Variants in RABGAP1L observed in about 807,000 individuals in gnomAD.
The protein encoded by RABGAP1L is rab GTPase-activating protein 1-like.
In RABGAP1L, 63 loss-of-function variants were observed where a neutral mutation model predicts 137.7. The observed-to-expected ratio is 0.46, with a 90% CI of 0.37 to 0.56. RABGAP1L has a LOEUF of 0.56. Ranked by LOEUF, RABGAP1L falls within the 20% of genes least tolerant of loss-of-function variation. The probability of loss-of-function intolerance (pLI) is 0.00; values close to 1 mark genes in which losing one functional copy is unlikely to be tolerated. For missense variants in RABGAP1L, 1,095 were observed against 1,244.0 expected, an observed-to-expected ratio of 0.88 and a Z score of 1.80; for synonymous variants, 431 against 433.7, an observed-to-expected ratio of 0.99 and a Z score of 0.08.
chr1:174,584,737 A>C (rs1263552080), intron 13 of RABGAP1L, among the ~76,000 whole-genome samples: 1 of 152,190 alleles, frequency 6.6e-6, no homozygotes, highest in Non-Finnish European at 1.5e-5. Flanking sequence ...TTGTGAGGCC[A>C]ATAAACTTAA....
At chr1:174,497,345 G>C (rs1241491235) in intron 13 of RABGAP1L, among the ~76,000 whole-genome samples, 1 of 152,134 alleles carries the variant, frequency 6.6e-6, no homozygotes, top group Non-Finnish European at 1.5e-5. Flanking sequence ...TACTTTGCAA[G>C]GATCAATGTG....
chr1:174,616,695 G>A (rs937042524), intron 13 of RABGAP1L, among the ~76,000 whole-genome samples: 7 of 152,154 alleles, frequency 4.6e-5, no homozygotes, highest in Admixed American at 2.6e-4. Context: ...ACTCCATTGC[G>A]GTTGAGAATA....
intron 18 of RABGAP1L, among the ~76,000 whole-genome samples, chr1:174,791,820 C>T (rs899116661): frequency 1.3e-5 from 2 of 152,146 alleles, no homozygotes; most frequent in African/African-American, 4.8e-5. Flanking sequence ...AAGTGCTTAT[C>T]AGTTAAAAAT....
chr1:174,800,448 T>A (rs1688654199), intron 18 of RABGAP1L: 2 of 1,550,876 alleles, frequency 1.3e-6, no homozygotes, highest in East Asian at 4.9e-5. Context: ...GCGTGTCGAG[T>A]GCTGGAACTT....
chr1:174,353,963 A>G (rs954600390), intron 11 of RABGAP1L, among the ~76,000 whole-genome samples: 1 of 152,224 alleles, frequency 6.6e-6, no homozygotes, highest in Non-Finnish European at 1.5e-5. Flanking sequence ...TTATACAAAA[A>G]TCTGAATGGA....
chr1:174,436,128 G>A (rs893718603), intron 13 of RABGAP1L, among the ~76,000 whole-genome samples: 9 of 152,142 alleles, frequency 5.9e-5, no homozygotes, highest in African/African-American at 2.2e-4. Flanking sequence ...ATGTGCATGT[G>A]TCTTTATAGC....
intron 1 of RABGAP1L, among the ~76,000 whole-genome samples, chr1:174,177,110 G>A (rs1211279706): frequency 2.6e-5 from 4 of 152,046 alleles, no homozygotes; most frequent in Non-Finnish European, 4.4e-5. Context: ...AGTGTAAAAC[G>A]TTCCTGTTTC....
At position 174,252,899 on chromosome 1, in the gene RABGAP1L, G is replaced by A. The variant is rs145518096; in HGVS notation, c.986+309G>A. ...TACTTTTAACTTTTCAATCACTTTC[G>A]ATTACTCTTCCACTTAGCTGCTGGA... is the stretch of plus-strand genomic sequence containing the variant. On this transcript the variant is annotated intron_variant, in intron 7 of 25. Coordinates refer to ENST00000681986, the MANE Select transcript of RABGAP1L (RefSeq NM_001366446.1). Among the ~76,000 whole-genome samples the A allele has an allele frequency of 1.1e-4, 17 of 151,818 alleles. No individual in the cohort carries two copies. The East Asian group carries it at 3.3e-3, about 29-fold the overall frequency.
intron 11 of RABGAP1L, among the ~76,000 whole-genome samples, chr1:174,370,509 T>TA (rs1685030342): frequency 2.1e-5 from 2 of 97,104 alleles, no homozygotes; most frequent in South Asian, 3.6e-4. Flanking sequence ...TTAAGAAACC[T>TA]AACTTTTTTT....
intron 11 of RABGAP1L, among the ~76,000 whole-genome samples, chr1:174,314,856 T>G (rs1460200920): frequency 6.6e-6 from 1 of 152,220 alleles, no homozygotes; most frequent in Non-Finnish European, 1.5e-5. Context: ...GAGAAGATGC[T>G]TGATATTATT....
intron 24 of RABGAP1L, among the ~76,000 whole-genome samples, chr1:174,987,802 GTTATT>G (rs918446195): frequency 4.6e-5 from 7 of 152,114 alleles, no homozygotes; most frequent in African/African-American, 7.2e-5. Flanking sequence ...ATGTGGTAGA[GTTATT>G]TTATTTTATT....
intron 14 of RABGAP1L, among the ~76,000 whole-genome samples, chr1:174,641,647 A>T (rs1160534898): frequency 6.6e-6 from 1 of 152,156 alleles, no homozygotes; most frequent in Admixed American, 6.5e-5. Context: ...AGATGTAAAA[A>T]TCTGCTATAA....
Position 174,272,467 on chromosome 1 carries a change from AT to A in RABGAP1L, c.1043del (p.Leu348TyrfsTer44). Reference protein sequence around the residue: ...PGRNVKNSDMHLLDMESMGKS... With the variant: ...PGRNVKNSDMXLLDMESMGKS... ...CGAAACGTGAAGAACAGTGACATGC[AT>A]TTACTGGATATGGTAATGATAATCT... On this transcript the variant is annotated frameshift_variant, in exon 8 of 26. Transcript: ENST00000681986. LOFTEE classifies it high-confidence loss of function. The A allele has an allele frequency of 6.3e-7, 1 of 1,595,788 alleles. No homozygotes were observed. The highest frequency in any genetic ancestry group is 8.5e-7 in the Non-Finnish European group (1 of 1,173,182).
intron 13 of RABGAP1L, among the ~76,000 whole-genome samples, chr1:174,537,238 A>G (rs1207226899): frequency 1.3e-5 from 2 of 152,226 alleles, no homozygotes; most frequent in African/African-American, 4.8e-5. Flanking sequence ...AGTTGCTATG[A>G]CAGTTCATAT....
At chr1:174,516,724 G>A (rs1216926283) in intron 13 of RABGAP1L, among the ~76,000 whole-genome samples, 4 of 152,012 alleles carry the variant, frequency 2.6e-5, no homozygotes, top group East Asian at 1.9e-4. Flanking sequence ...TATAATTAGG[G>A]CTTAGCAAGG....
intron 13 of RABGAP1L, among the ~76,000 whole-genome samples, chr1:174,414,073 A>G (rs1650260717): frequency 6.6e-6 from 1 of 152,170 alleles, no homozygotes; most frequent in Non-Finnish European, 1.5e-5. Flanking sequence ...ATAAATTATA[A>G]TTTTTAATGA....
At chr1:174,308,085 A>G (rs1259293688) in intron 11 of RABGAP1L, among the ~76,000 whole-genome samples, 4 of 151,920 alleles carry the variant, frequency 2.6e-5, no homozygotes, top group Admixed American at 1.3e-4. Flanking sequence ...ACCTTTGCAT[A>G]TACCTGTTAG....
At chr1:174,544,116 T>A (rs1317141722) in intron 13 of RABGAP1L, among the ~76,000 whole-genome samples, 3 of 152,324 alleles carry the variant, frequency 2.0e-5, no homozygotes, top group Non-Finnish European at 4.4e-5. Context: ...GCGTTCTCTG[T>A]ATTTCCTGAA....
At chr1:174,566,308 T>G (rs981746651) in intron 13 of RABGAP1L, among the ~76,000 whole-genome samples, 1 of 152,128 alleles carries the variant, frequency 6.6e-6, no homozygotes, top group African/African-American at 2.4e-5. Flanking sequence ...AGAGTTTTTT[T>G]GTTTGTTTGT....
Sources: gnomAD v4.1 joint callset for allele counts (sites outside exome capture counted in the v4.1 genomes callset) on GRCh38, gnomAD v4.1.1 for gene constraint, MANE v1.5 for transcripts, NCBI Gene and HGNC (gene_info 2026-07-23, HGNC 2026-07-21) for gene names.